Variants in EPHA1 observed in about 807,000 individuals in gnomAD.
EPHA1 encodes the protein EPH receptor A1.
EPHA1 carries 92 observed loss-of-function variants against 110.1 expected under a neutral mutation model. That is an observed-to-expected ratio of 0.84 (90% CI 0.71 to 0.99). The LOEUF (loss-of-function observed/expected upper bound fraction) is 0.99, where lower values mean the gene tolerates loss of function less well. Ranked by LOEUF, EPHA1 falls within the 50% of genes least tolerant of loss-of-function variation. The pLI, the probability that EPHA1 is intolerant of heterozygous loss-of-function variation, is 0.00. For synonymous variants in EPHA1, 500 were observed against 516.1 expected, an observed-to-expected ratio of 0.97 and a Z score of 0.42; for missense variants, 1,204 against 1,285.4, an observed-to-expected ratio of 0.94 and a Z score of 0.97.
intron 2 of EPHA1, among the ~76,000 whole-genome samples, chr7:143,407,138 C>G (rs573106900): frequency 6.6e-6 from 1 of 152,116 alleles, no homozygotes. Flanking sequence ...AAAAAATGCC[C>G]GCTTACATAT....
At position 143,408,855 on chromosome 7, in the gene EPHA1, G is replaced by C; in HGVS notation, c.-50C>G. ...GTGGCCCGGATGGCAGCGCCAGGTTGCAAGGGACTAGGAGAGCCGGGCGGG... is the reference window on the plus strand; with the variant it reads ...GTGGCCCGGATGGCAGCGCCAGGTTCCAAGGGACTAGGAGAGCCGGGCGGG... On this transcript the variant is annotated 5_prime_UTR_variant, in exon 1 of 18. Coordinates refer to ENST00000275815, the MANE Select transcript of EPHA1 (RefSeq NM_005232.5). The C allele has an allele frequency of 9.5e-7, 1 of 1,050,348 alleles. No individual in the cohort carries two copies. Among genetic ancestry groups the C allele is most frequent in the Non-Finnish European group, 1.1e-6 (1 of 871,644 alleles). The allele number at this position is 1,050,348 out of a possible 1,614,324, so 65.1% of individuals were successfully genotyped here.
intron 8 of EPHA1, 103 bp downstream of exon 8, chr7:143,397,817 G>T: frequency 1.3e-6 from 2 of 1,543,130 alleles, no homozygotes; most frequent in Non-Finnish European, 1.8e-6. Context: ...GTGTGTGCAT[G>T]TGTGTAGAGG....
At position 143,391,639 on chromosome 7, in the gene EPHA1, C is replaced by G. The variant is rs146015036; in HGVS notation, c.2833G>C (p.Val945Leu). ...HSAGLDTMEC[V>L]LELTAEDLTQ... ...CCTTACTCAGCGGTCAGCTCCAGCA[C>G]ACACTCCATGGTGTCCAGCCCAGCC... The change falls in exon 17 of 18, where the codon GTG becomes CTG. Residue 945 changes from valine (V) to leucine (L), a missense_variant. Physicochemically the swap from Val to Leu is conservative, Grantham distance 32. Coordinates refer to ENST00000275815, the MANE Select transcript of EPHA1 (RefSeq NM_005232.5). 21 of 1,614,062 alleles carry G rather than the reference C, an allele frequency of 1.3e-5. No homozygotes were observed. Among genetic ancestry groups the G allele is most frequent in the Non-Finnish European group, 1.7e-5 (20 of 1,180,044 alleles).
intron 2 of EPHA1, among the ~76,000 whole-genome samples, chr7:143,406,767 G>T (rs1432714605): frequency 2.0e-5 from 3 of 152,224 alleles, no homozygotes; most frequent in Non-Finnish European, 4.4e-5. Flanking sequence ...ATCCCTACAC[G>T]CATTTTGGTG....
chr7:143,408,713 G>C lies in EPHA1; in HGVS notation c.82+11C>G. On this transcript the variant is annotated intron_variant, in intron 1 of 17. Transcript: ENST00000275815. ...CGCGGGGGTTGGGGGCGCGGGGGCG[G>C]GGGTCGGTACCTTCCTTGGCGCGCG... 1 of 682,278 alleles carries C rather than the reference G, an allele frequency of 1.5e-6. No individual in the cohort carries two copies. The highest frequency in any genetic ancestry group is 2.0e-6 in the Non-Finnish European group (1 of 489,262). The allele number at this position is 682,278 out of a possible 1,614,324, so 42.3% of individuals were successfully genotyped here.
intron 2 of EPHA1, 122 bp downstream of exon 2, chr7:143,407,489 C>G (rs1805585529): frequency 1.4e-5 from 13 of 959,272 alleles, no homozygotes; most frequent in South Asian, 1.2e-4. Context: ...TCCTCTCCCC[C>G]TCCCTGAGGA....
intron 2 of EPHA1, among the ~76,000 whole-genome samples, chr7:143,406,811 T>A (rs1805563845): frequency 6.6e-6 from 1 of 152,132 alleles, no homozygotes; most frequent in South Asian, 2.1e-4. Context: ...GTGTTGAGAG[T>A]GCAGTAGGAA....
At chr7:143,392,763 G>A (rs1805125782) in intron 16 of EPHA1, among the ~76,000 whole-genome samples, 1 of 152,116 alleles carries the variant, frequency 6.6e-6, no homozygotes, top group African/African-American at 2.4e-5. Flanking sequence ...CCAACATGGT[G>A]AAACCCCGTT....
chr7:143,396,700 C>A, intron 10 of EPHA1, 190 bp from the exon 11 acceptor site: 1 of 622,002 alleles, frequency 1.6e-6, no homozygotes, highest in Non-Finnish European at 2.7e-6. Flanking sequence ...GTCTATGCTC[C>A]AAGCTCCGCT....
intron 2 of EPHA1, among the ~76,000 whole-genome samples, chr7:143,402,952 A>G (rs1805460427): frequency 1.3e-5 from 2 of 152,240 alleles, no homozygotes; most frequent in African/African-American, 4.8e-5. Context: ...AATTGTTAGC[A>G]AAACTTTCCA....
chr7:143,407,748 T>C, intron 1 of EPHA1, 70 bp from the exon 2 acceptor site: 1 of 1,407,692 alleles, frequency 7.1e-7, no homozygotes, highest in Non-Finnish European at 9.9e-7. Context: ...ACATTAATCA[T>C]TCTGGGGCCT....
At chr7:143,403,541 G>T (rs989472279) in intron 2 of EPHA1, among the ~76,000 whole-genome samples, 16 of 151,682 alleles carry the variant, frequency 1.1e-4, no homozygotes, top group African/African-American at 2.7e-4. Flanking sequence ...TCTTTTTAAA[G>T]AAATCATGTA....
intron 8 of EPHA1, 104 bp downstream of exon 8, chr7:143,397,816 T>G: frequency 6.5e-7 from 1 of 1,537,508 alleles, no homozygotes; most frequent in Non-Finnish European, 8.9e-7. Context: ...TGTGTGTGCA[T>G]GTGTGTAGAG....
At chr7:143,406,188 C>A (rs768061234) in intron 2 of EPHA1, among the ~76,000 whole-genome samples, 4 of 152,126 alleles carry the variant, frequency 2.6e-5, no homozygotes, top group African/African-American at 7.2e-5. Context: ...CAGAAGGCAA[C>A]CTTGTGATTG....
chr7:143,404,737 T>C (rs894056329), intron 2 of EPHA1, among the ~76,000 whole-genome samples: 1 of 152,172 alleles, frequency 6.6e-6, no homozygotes, highest in Non-Finnish European at 1.5e-5. Context: ...GGTTCTGATA[T>C]CTGCTTGTCA....
At chr7:143,399,593 G>A (rs920229116) in intron 4 of EPHA1, 58 bp downstream of exon 4, 22 of 1,602,720 alleles carry the variant, frequency 1.4e-5, no homozygotes, top group Admixed American at 8.4e-5. Flanking sequence ...TTCTCTGCCG[G>A]GGTACTCCTG....
Position 143,395,550 on chromosome 7 carries a change from C to T in EPHA1, c.1898-46G>A, listed in dbSNP as rs1805220865. The T allele has an allele frequency of 6.3e-7, 1 of 1,592,216 alleles. No homozygotes were observed. Among genetic ancestry groups the T allele is most frequent in the Non-Finnish European group, 8.6e-7 (1 of 1,164,990 alleles). On this transcript the variant is annotated intron_variant, in intron 11 of 17. Coordinates refer to ENST00000275815, the MANE Select transcript of EPHA1 (RefSeq NM_005232.5). This position sits in a 1 kb window ranked among gnomAD's most constrained non-coding sequence, Gnocchi z 4.7. ...CTGTGGCCCGATGCACTGCAGGGCT[C>T]CTCCAGGGGACAGGCAGCAACCCCT...
At chr7:143,398,096 G>C (rs1374592092) in intron 7 of EPHA1, 26 bp from the exon 8 acceptor site, 2 of 1,612,934 alleles carry the variant, frequency 1.2e-6, no homozygotes, top group East Asian at 2.2e-5. Context: ...GCATTAAGTG[G>C]GCAGTGCTGA....
Position 143,395,168 on chromosome 7 carries a change from T to C in EPHA1, c.2098A>G (p.Ile700Val). 6.2e-7 allele frequency: 1 copy of C among 1,613,860 alleles called. No homozygotes were observed. Among genetic ancestry groups the C allele is most frequent in the Non-Finnish European group, 8.5e-7 (1 of 1,180,032 alleles). The change falls in exon 13 of 18, where the codon ATC becomes GTC. Residue 700 changes from isoleucine (I) to valine (V), a missense_variant. Coordinates refer to ENST00000275815, the MANE Select transcript of EPHA1 (RefSeq NM_005232.5). The surrounding 1 kb of genome is among the most constrained non-coding windows in gnomAD (Gnocchi z 4.7). ...CCATTCTCCATAAATTCTGTGATGA[T>C]CATGATCGGCTTTCCTGAGACACAG... ...GVVTKRKPIM[I>V]ITEFMENGAL...
Sources: allele counts gnomAD v4.1 joint callset (sites outside exome capture counted in the v4.1 genomes callset), GRCh38; gene constraint gnomAD v4.1.1; non-coding constraint Gnocchi (gnomAD v3.1); transcripts MANE v1.5; gene names NCBI Gene and HGNC (gene_info 2026-07-23, HGNC 2026-07-21).